CNTN4: variants seen among roughly 807,000 people sequenced by gnomAD.
CNTN4 encodes contactin-4.
CNTN4 carries 77 observed loss-of-function variants against 122.5 expected under a neutral mutation model. The observed-to-expected ratio is 0.63, with a 90% confidence interval of 0.52 to 0.76. The LOEUF is 0.76. Among genes scored for constraint, CNTN4 ranks in the 30% least tolerant of loss-of-function variants. The pLI, the probability that CNTN4 is intolerant of heterozygous loss-of-function variation, is 0.00. For missense variants in CNTN4, 1,256 were observed against 1,259.1 expected (o/e 1.00, Z 0.04); for synonymous variants, 512 against 447.0 (o/e 1.15, Z -1.83).
rs77259557 is a variant in CNTN4, at chr3:2,550,126, T to C, written c.-88-21290T>C. Among the ~76,000 whole-genome samples the C allele has an allele frequency of 5.8e-3, 888 of 152,296 alleles. 7 individuals carry two copies. Among genetic ancestry groups the C allele is most frequent in the African/African-American group, 0.02 (813 of 41,550 alleles). On this transcript the variant is annotated intron_variant, in intron 3 of 24. Transcript: ENST00000418658. Reference sequence around the variant, plus strand: ...TAGTCTGGCTAGTAGTTTATCTATTTTGTCAATCTTTTCAAAAAACCAGTT... The same window carrying C: ...TAGTCTGGCTAGTAGTTTATCTATTCTGTCAATCTTTTCAAAAAACCAGTT...
At chr3:2,768,637 G>A (rs1003248659) in intron 6 of CNTN4, among the ~76,000 whole-genome samples, 5 of 152,208 alleles carry the variant, frequency 3.3e-5, no homozygotes, top group African/African-American at 1.2e-4. Flanking sequence ...CATTTCCTCA[G>A]GAAATTGTCA....
chr3:2,466,327 G>GA (rs1243113410), intron 3 of CNTN4, among the ~76,000 whole-genome samples: 1 of 152,166 alleles, frequency 6.6e-6, no homozygotes, highest in Non-Finnish European at 1.5e-5. Flanking sequence ...TTCTTGGTAC[G>GA]AAAGTATGCA....
chr3:3,039,316 G>T, intron 19 of CNTN4: 1 of 289,984 alleles, frequency 3.4e-6, no homozygotes, highest in South Asian at 4.6e-5. Context: ...CTGAATTGCT[G>T]CATGGCCAAT....
intron 2 of CNTN4, among the ~76,000 whole-genome samples, chr3:2,304,440 G>T (rs2042632013): frequency 6.6e-6 from 1 of 152,048 alleles, no homozygotes; most frequent in Non-Finnish European, 1.5e-5. Flanking sequence ...TTTAGGGCCA[G>T]ATTCTATTAG....
intron 3 of CNTN4, among the ~76,000 whole-genome samples, chr3:2,403,573 G>A (rs1349718824): frequency 6.6e-6 from 1 of 152,044 alleles, no homozygotes; most frequent in African/African-American, 2.4e-5. Flanking sequence ...CTGAATAATT[G>A]TAAATCACTC....
intron 4 of CNTN4, among the ~76,000 whole-genome samples, chr3:2,601,216 T>A (rs2081029993): frequency 6.6e-6 from 1 of 152,178 alleles, no homozygotes; most frequent in Admixed American, 6.5e-5. Flanking sequence ...TTAGATCCCA[T>A]TTGTCTATTT....
At chr3:2,596,533 C>T (rs559613452) in intron 4 of CNTN4, among the ~76,000 whole-genome samples, 1 of 152,172 alleles carries the variant, frequency 6.6e-6, no homozygotes, top group Non-Finnish European at 1.5e-5. Context: ...CATCTATAAC[C>T]ATACACATAT....
At position 2,124,433 on chromosome 3, in the gene CNTN4, A is replaced by AACACACACACACAC. The variant is rs60760373; in HGVS notation, c.-145+23821_-145+23834dup. ...CCTTTGTCTGCATAGATTTATTTAA[A>AACACACACACACAC]ACACACACACACACACACACACACA... On this transcript the variant is annotated intron_variant, in intron 2 of 24. Coordinates refer to ENST00000418658, the MANE Select transcript of CNTN4 (RefSeq NM_175607.3). Among the ~76,000 whole-genome samples the AACACACACACACAC allele has an allele frequency of 1.6e-3, 197 of 123,888 alleles. 2 individuals are homozygous for AACACACACACACAC. Among genetic ancestry groups the AACACACACACACAC allele is most frequent in the Admixed American group, 9.8e-3 (120 of 12,256 alleles). The allele number at this position is 123,888 out of a possible 152,430, so 81.3% of individuals were successfully genotyped here.
At chr3:2,334,386 T>A (rs1165110003) in intron 2 of CNTN4, among the ~76,000 whole-genome samples, 1 of 152,168 alleles carries the variant, frequency 6.6e-6, no homozygotes, top group Non-Finnish European at 1.5e-5. Context: ...CTTGAACTTC[T>A]TACCTCAAGT....
chr3:2,835,071 AT>A (rs1037025845), intron 7 of CNTN4, among the ~76,000 whole-genome samples: 52 of 151,416 alleles, frequency 3.4e-4, no homozygotes, highest in African/African-American at 1.3e-3. Context: ...CGCCCGGCTC[AT>A]TTTTTTGTAT....
intron 3 of CNTN4, among the ~76,000 whole-genome samples, chr3:2,348,301 A>G (rs2044481091): frequency 6.6e-6 from 1 of 152,236 alleles, no homozygotes; most frequent in South Asian, 2.1e-4. Context: ...CAAAGACAAC[A>G]GAATTCCTCA....
At chr3:2,706,604 C>G (rs1022442288) in intron 4 of CNTN4, among the ~76,000 whole-genome samples, 1 of 152,066 alleles carries the variant, frequency 6.6e-6, no homozygotes, top group African/African-American at 2.4e-5. Flanking sequence ...ATGAAAAATG[C>G]AACAGTTTGT....
chr3:2,339,949 GT>G (rs372889061), intron 3 of CNTN4, among the ~76,000 whole-genome samples: 63 of 152,238 alleles, frequency 4.1e-4, no homozygotes, highest in African/African-American at 1.4e-3. Context: ...GCAATGTTTG[GT>G]GTTCCTTGGC....
At chr3:2,124,465 C>A (rs146405436) in intron 2 of CNTN4, among the ~76,000 whole-genome samples, 1,706 of 148,884 alleles carry the variant, frequency 0.011, 14 homozygotes, top group African/African-American at 0.021. Flanking sequence ...CACACACACA[C>A]ACACACACCC....
intron 21 of CNTN4, 79 bp from the exon 22 acceptor site, chr3:3,042,898 T>C (rs1034686200): frequency 2.2e-5 from 25 of 1,153,210 alleles, no homozygotes; most frequent in Non-Finnish European, 3.0e-5. Flanking sequence ...CATAAGAATC[T>C]GCGTACAAAA....
At chr3:2,255,127 A>G (rs2040528687) in intron 2 of CNTN4, among the ~76,000 whole-genome samples, 2 of 152,178 alleles carry the variant, frequency 1.3e-5, no homozygotes, top group African/African-American at 4.8e-5. Flanking sequence ...TCCCAACACC[A>G]TTTATTAAGT....
chr3:2,197,553 C>T (rs2037904282), intron 2 of CNTN4, among the ~76,000 whole-genome samples: 1 of 152,110 alleles, frequency 6.6e-6, no homozygotes, highest in Non-Finnish European at 1.5e-5. Context: ...GATGGAGACT[C>T]ATAGGCTTTG....
chr3:2,432,712 T>C (rs1480884113), intron 3 of CNTN4, among the ~76,000 whole-genome samples: 1 of 152,138 alleles, frequency 6.6e-6, no homozygotes, highest in African/African-American at 2.4e-5. Flanking sequence ...CTTTATCCAT[T>C]TATGTGATAA....
Position 3,034,658 on chromosome 3 carries a change from A to C in CNTN4, c.1810A>C (p.Thr604Pro). The change falls in exon 17 of 25, where the codon ACA (threonine) becomes CCA (proline). Residue 604 changes from threonine to proline, a missense_variant. By Grantham distance (38) the Thr-to-Pro change is conservative. Coordinates refer to ENST00000418658, the MANE Select transcript of CNTN4 (RefSeq NM_175607.3). ...TCCTCCAGGTCCCCCAGAGGCTGTG[A>C]CAATAGACGAAATCACAGATACCAC... ...RGPPGPPEAVTIDEITDTTAQ... is the reference protein window; with the variant it reads ...RGPPGPPEAVPIDEITDTTAQ... The C allele has an allele frequency of 6.2e-7, 1 of 1,614,134 alleles. No individual in the cohort carries two copies. Among genetic ancestry groups the C allele is most frequent in the Non-Finnish European group, 8.5e-7 (1 of 1,180,016 alleles).
Sources: gnomAD v4.1 joint callset for allele counts (sites outside exome capture counted in the v4.1 genomes callset) on GRCh38, gnomAD v4.1.1 for gene constraint, MANE v1.5 for transcripts, NCBI Gene and HGNC (gene_info 2026-07-23, HGNC 2026-07-21) for gene names.